NEK7: variants seen among roughly 807,000 people sequenced by gnomAD.
NEK7 encodes NIMA related kinase 7.
Under a neutral mutation model 44.6 loss-of-function variants are expected in NEK7, and 18 were observed. The observed-to-expected ratio is 0.40, with a 90% CI of 0.28 to 0.60. NEK7 has a LOEUF of 0.60. NEK7 is among the 20% of genes least tolerant of loss of function. The pLI, the probability that NEK7 is intolerant of heterozygous loss-of-function variation, is 0.38. For synonymous variants in NEK7, 130 were observed against 121.1 expected (o/e 1.07, Z -0.48); for missense variants, 256 against 366.5 (o/e 0.70, Z 2.46).
intron 3 of NEK7, chr1:198,256,378 T>G (rs776297406): frequency 1.2e-6 from 2 of 1,611,922 alleles, no homozygotes; most frequent in Non-Finnish European, 1.7e-6. Context: ...TAAATGCATG[T>G]TACTTCTTGG....
intron 1 of NEK7, among the ~76,000 whole-genome samples, chr1:198,171,949 A>G (rs1664458424): frequency 6.6e-6 from 1 of 152,172 alleles, no homozygotes; most frequent in African/African-American, 2.4e-5. Flanking sequence ...AGCAGTACCC[A>G]GTGATGGTGT....
chr1:198,240,351 C>A (rs557922560), intron 2 of NEK7, among the ~76,000 whole-genome samples: 5 of 152,228 alleles, frequency 3.3e-5, no homozygotes, highest in Admixed American at 2.6e-4. Context: ...AGTAAGAATT[C>A]TCTTGCCTGC....
At chr1:198,161,693 T>G (rs1219022226) in intron 1 of NEK7, among the ~76,000 whole-genome samples, 1 of 152,106 alleles carries the variant, frequency 6.6e-6, no homozygotes, top group Non-Finnish European at 1.5e-5. Flanking sequence ...GTTTTCAGGT[T>G]TCTTCACCAT....
intron 2 of NEK7, 142 bp downstream of exon 2, chr1:198,232,779 T>G: frequency 1.7e-5 from 2 of 118,380 alleles, no homozygotes; most frequent in Admixed American, 5.4e-4. Context: ...TAATCAGCAT[T>G]TTTTTTTTTT....
intron 5 of NEK7, among the ~76,000 whole-genome samples, chr1:198,274,833 A>T: frequency 6.6e-6 from 1 of 151,724 alleles, no homozygotes; most frequent in Non-Finnish European, 1.5e-5. Flanking sequence ...GAATAATTTT[A>T]AAAAGAGTGT....
At chr1:198,163,162 T>C (rs1664159343) in intron 1 of NEK7, among the ~76,000 whole-genome samples, 1 of 152,180 alleles carries the variant, frequency 6.6e-6, no homozygotes, top group South Asian at 2.1e-4. Context: ...ATTCCTAATC[T>C]TGTATTGCCT....
chr1:198,279,770 T>C (rs527691560), intron 7 of NEK7, among the ~76,000 whole-genome samples: 49 of 152,092 alleles, frequency 3.2e-4, no homozygotes, highest in African/African-American at 1.2e-3. Context: ...AAATGAGTTA[T>C]ACTAAATAAC....
chr1:198,251,092 G>A (rs961804493), intron 2 of NEK7, among the ~76,000 whole-genome samples: 8 of 151,588 alleles, frequency 5.3e-5, no homozygotes, highest in Admixed American at 1.3e-4. Flanking sequence ...AGCATGAAGC[G>A]TTGTTGAATT....
intron 1 of NEK7, among the ~76,000 whole-genome samples, chr1:198,226,754 TCTC>T (rs1666239995): frequency 6.6e-6 from 1 of 151,882 alleles, no homozygotes; most frequent in African/African-American, 2.4e-5. Context: ...TCTGTGAACT[TCTC>T]CTGCCCTTTC....
At chr1:198,300,360 C>A (rs1295200724) in intron 9 of NEK7, among the ~76,000 whole-genome samples, 1 of 152,170 alleles carries the variant, frequency 6.6e-6, no homozygotes, top group Non-Finnish European at 1.5e-5. Context: ...TTTCTTCTTT[C>A]TCTAACTCTT....
chr1:198,254,194 T>A (rs989046980), intron 3 of NEK7, among the ~76,000 whole-genome samples: 2 of 152,120 alleles, frequency 1.3e-5, no homozygotes, highest in Non-Finnish European at 2.9e-5. Context: ...CTGGTATATG[T>A]GTTAGATGTA....
chr1:198,216,954 A>T (rs996589370), intron 1 of NEK7, among the ~76,000 whole-genome samples: 5 of 151,998 alleles, frequency 3.3e-5, no homozygotes, highest in African/African-American at 1.2e-4. Context: ...AGTCATTAAG[A>T]AACCAAAAAC....
intron 3 of NEK7, among the ~76,000 whole-genome samples, chr1:198,257,159 A>G (rs1653295292): frequency 6.6e-6 from 1 of 152,104 alleles, no homozygotes; most frequent in South Asian, 2.1e-4. Flanking sequence ...TTTTTTTAGG[A>G]AGAAAAGCTA....
intron 1 of NEK7, among the ~76,000 whole-genome samples, chr1:198,175,286 C>G (rs1484953567): frequency 1.4e-4 from 21 of 151,952 alleles, no homozygotes; most frequent in Admixed American, 1.4e-3. Context: ...TTAAATTTTT[C>G]TTTTATTTAA....
chr1:198,281,856 G>A (rs1387004807), intron 7 of NEK7, among the ~76,000 whole-genome samples: 3 of 151,902 alleles, frequency 2.0e-5, no homozygotes, highest in Admixed American at 1.3e-4. Flanking sequence ...AATAAAACCT[G>A]TAGTCTGTCT....
chr1:198,194,893 T>G, intron 1 of NEK7, among the ~76,000 whole-genome samples: 1 of 152,206 alleles, frequency 6.6e-6, no homozygotes, highest in South Asian at 2.1e-4. Flanking sequence ...ATCGCCACAC[T>G]GTTTTCCACA....
Position 198,264,253 on chromosome 1 carries a change from T to A in NEK7, c.372+18T>A, listed in dbSNP as rs536448832. 946 of 1,546,314 alleles carry A rather than the reference T, an allele frequency of 6.1e-4. 10 individuals carry two copies. The South Asian group carries it at 0.01, about 17-fold the overall frequency. The stretch of plus-strand genomic sequence containing the variant: ...TGATCAAGGTAAGTTTTGAAAAAAT[T>A]GTCTTAATGTTTTGTTTTGTTTTTT... On this transcript the variant is annotated intron_variant, in intron 5 of 9. Coordinates refer to ENST00000367385, the MANE Select transcript of NEK7 (RefSeq NM_133494.3).
intron 1 of NEK7, among the ~76,000 whole-genome samples, chr1:198,222,805 G>A (rs1666107440): frequency 6.8e-6 from 1 of 146,106 alleles, no homozygotes; most frequent in South Asian, 2.3e-4. Context: ...CAATAAAAAA[G>A]TAAATAATAA....
At chr1:198,229,563 G>A (rs1666327125) in intron 1 of NEK7, among the ~76,000 whole-genome samples, 1 of 152,150 alleles carries the variant, frequency 6.6e-6, no homozygotes, top group Admixed American at 6.5e-5. Flanking sequence ...CAGGAAGATA[G>A]TGTTGGAATT....
Sources: gnomAD v4.1 joint callset for allele counts (sites outside exome capture counted in the v4.1 genomes callset) on GRCh38, gnomAD v4.1.1 for gene constraint, MANE v1.5 for transcripts, NCBI Gene and HGNC (gene_info 2026-07-23, HGNC 2026-07-21) for gene names.